The following ZNF385D variants were observed in gnomAD, a reference collection of about 807,000 sequenced individuals.
ZNF385D encodes zinc finger protein 659.
ZNF385D carries 15 observed loss-of-function variants against 35.8 expected under a neutral mutation model. The observed-to-expected ratio is 0.42, with a 90% confidence interval of 0.28 to 0.64. ZNF385D has a LOEUF of 0.64. Among genes scored for constraint, ZNF385D ranks in the 30% least tolerant of loss-of-function variants. The pLI is 0.23. For synonymous variants in ZNF385D, 212 were observed against 186.8 expected (o/e 1.13, Z -1.10); for missense variants, 474 against 494.6 (o/e 0.96, Z 0.39).
chr3:22,252,453 A>C lies in ZNF385D; in HGVS notation c.107-83418T>G, dbSNP rs147600949. Among the ~76,000 whole-genome samples, 1,205 of 152,184 alleles carry C rather than the reference A, an allele frequency of 7.9e-3. 15 individuals carry two copies. The highest frequency in any genetic ancestry group is 0.027 in the African/African-American group (1,142 of 41,538). On this transcript the variant is annotated intron_variant, in intron 2 of 5. Coordinates refer to the ZNF385D transcript ENST00000494108. ...GTCTTAAGATGAGGTGAGTATGTTTAAGTAGATTGTTATATTATTTAATGT... is the reference window on the plus strand; with the variant it reads ...GTCTTAAGATGAGGTGAGTATGTTTCAGTAGATTGTTATATTATTTAATGT...
intron 3 of ZNF385D, among the ~76,000 whole-genome samples, chr3:22,103,254 C>CT (rs1454772697): frequency 6.6e-6 from 1 of 150,468 alleles, no homozygotes; most frequent in East Asian, 2.0e-4. Flanking sequence ...CCCTGATAAA[C>CT]TGTGAGTTTC....
chr3:22,100,970 T>C (rs767619260), intron 3 of ZNF385D, among the ~76,000 whole-genome samples: 1 of 152,020 alleles, frequency 6.6e-6, no homozygotes, highest in Non-Finnish European at 1.5e-5. Context: ...TTATTGAATA[T>C]AAATACTTGG....
chr3:22,050,800 A>G (rs1042624800), intron 3 of ZNF385D, among the ~76,000 whole-genome samples: 2 of 152,224 alleles, frequency 1.3e-5, no homozygotes, highest in African/African-American at 4.8e-5. Context: ...CTAAACAATC[A>G]AAAATAACGA....
At chr3:21,780,879 A>G (rs2071463531) in intron 3 of ZNF385D, among the ~76,000 whole-genome samples, 1 of 152,036 alleles carries the variant, frequency 6.6e-6, no homozygotes, top group Non-Finnish European at 1.5e-5. Flanking sequence ...GTTGTCCAAA[A>G]TGGTTGACAT....
chr3:22,093,411 A>T (rs1701433301), intron 3 of ZNF385D, among the ~76,000 whole-genome samples: 1 of 151,814 alleles, frequency 6.6e-6, no homozygotes, highest in South Asian at 2.1e-4. Context: ...GTAAAACATT[A>T]AATTTATTTT....
At chr3:22,167,064 A>G (rs1197318014) in intron 3 of ZNF385D, among the ~76,000 whole-genome samples, 1 of 152,228 alleles carries the variant, frequency 6.6e-6, no homozygotes, top group Non-Finnish European at 1.5e-5. Flanking sequence ...ACAAATGCCT[A>G]GGCAGATAGG....
intron 3 of ZNF385D, among the ~76,000 whole-genome samples, chr3:22,014,430 T>C (rs1696760805): frequency 1.3e-5 from 2 of 152,128 alleles, no homozygotes; most frequent in South Asian, 4.1e-4. Flanking sequence ...AGAAAGAAGA[T>C]AACTCTGAAG....
At chr3:22,336,068 CTGATCT>C (rs71694745) in intron 2 of ZNF385D, among the ~76,000 whole-genome samples, 30,787 of 151,896 alleles carry the variant, frequency 0.2, 3,483 homozygotes, top group Non-Finnish European at 0.26. Context: ...TACTAAACTA[CTGATCT>C]AGATTAAGTA....
intron 1 of ZNF385D, among the ~76,000 whole-genome samples, chr3:21,724,517 A>AAAAAAAAAAAAAC: frequency 7.8e-6 from 1 of 128,324 alleles, no homozygotes; most frequent in Admixed American, 8.3e-5. Flanking sequence ...AAAAAAAAAA[A>AAAAAAAAAAAAAC]AGCAGGAGTT....
At chr3:22,269,976 C>T (rs957398996) in intron 2 of ZNF385D, among the ~76,000 whole-genome samples, 1 of 151,848 alleles carries the variant, frequency 6.6e-6, no homozygotes, top group Non-Finnish European at 1.5e-5. Flanking sequence ...AGCAGCACTT[C>T]TCAGACTTTA....
chr3:21,867,272 C>T (rs1697416720), intron 3 of ZNF385D, among the ~76,000 whole-genome samples: 1 of 152,224 alleles, frequency 6.6e-6, no homozygotes, highest in South Asian at 2.1e-4. Flanking sequence ...CATTAGGCCT[C>T]GTCTCCTGAC....
chr3:21,765,750 G>T (rs1437862044), intron 3 of ZNF385D, among the ~76,000 whole-genome samples: 1 of 151,956 alleles, frequency 6.6e-6, no homozygotes, highest in Non-Finnish European at 1.5e-5. Context: ...GAGACAGAGA[G>T]AGAGAGAATG....
At position 21,828,956 on chromosome 3, in the gene ZNF385D, T is replaced by A. The variant is rs544101657; in HGVS notation, c.326-163928A>T. 5.3e-5 allele frequency among the ~76,000 whole-genome samples: 8 copies of A among 152,280 alleles called. No homozygotes were observed. The South Asian group carries it at 1.7e-3, about 32-fold the overall frequency. On this transcript the variant is annotated intron_variant, in intron 3 of 5. Coordinates refer to the ZNF385D transcript ENST00000494108. ...TCTCCTTTCACTGACTTTGTCCCTC[T>A]TGTCTCCCTCTTACAAGGACCCTTA...
intron 1 of ZNF385D, among the ~76,000 whole-genome samples, chr3:21,700,089 G>A (rs1031260930): frequency 2.0e-5 from 3 of 152,074 alleles, no homozygotes; most frequent in Non-Finnish European, 4.4e-5. Context: ...CCTGACCTCA[G>A]CCTCTCAAAA....
At chr3:21,493,038 G>T (rs1260415705) in intron 4 of ZNF385D, among the ~76,000 whole-genome samples, 1 of 152,014 alleles carries the variant, frequency 6.6e-6, no homozygotes, top group South Asian at 2.1e-4. Flanking sequence ...TAGAATCTTG[G>T]ACTACACTAA....
intron 4 of ZNF385D, among the ~76,000 whole-genome samples, chr3:21,445,038 G>A (rs2125258535): frequency 6.6e-6 from 1 of 152,284 alleles, no homozygotes; most frequent in Non-Finnish European, 1.5e-5. Flanking sequence ...GAAGCACAGA[G>A]TCTTGACACG....
intron 3 of ZNF385D, among the ~76,000 whole-genome samples, chr3:21,818,861 G>T (rs893339219): frequency 1.3e-5 from 2 of 151,908 alleles, no homozygotes; most frequent in Non-Finnish European, 2.9e-5. Flanking sequence ...AGGAGGATGA[G>T]AGATTAAAGA....
chr3:21,876,003 A>G (rs1697944927), intron 3 of ZNF385D, among the ~76,000 whole-genome samples: 1 of 152,164 alleles, frequency 6.6e-6, no homozygotes, highest in Non-Finnish European at 1.5e-5. Flanking sequence ...TGGATTAGAA[A>G]TTTAAAATCC....
chr3:22,095,277 T>C (rs1473124047), intron 3 of ZNF385D, among the ~76,000 whole-genome samples: 1 of 151,892 alleles, frequency 6.6e-6, no homozygotes, highest in Non-Finnish European at 1.5e-5. Context: ...AATCGTTTTA[T>C]ATTATTATTT....
Sources: gnomAD v4.1 joint callset for allele counts (sites outside exome capture counted in the v4.1 genomes callset) on GRCh38, gnomAD v4.1.1 for gene constraint, MANE v1.5 for transcripts, NCBI Gene and HGNC (gene_info 2026-07-23, HGNC 2026-07-21) for gene names.